MYO10: variants seen among roughly 807,000 people sequenced by gnomAD.
MYO10 encodes the protein myosin X.
MYO10 carries 133 observed loss-of-function variants against 257.3 expected under a neutral mutation model. The ratio of observed to expected loss-of-function variants is 0.52; its 90% confidence interval spans 0.45 to 0.60. MYO10 has a LOEUF of 0.60. Ranked by LOEUF, MYO10 falls within the 20% of genes least tolerant of loss-of-function variation. The pLI, the probability that MYO10 is intolerant of heterozygous loss-of-function variation, is 0.00. For synonymous variants in MYO10, 1,104 were observed against 1,028.6 expected, an observed-to-expected ratio of 1.07 and a Z score of -1.40; for missense variants, 2,399 against 2,635.7, an observed-to-expected ratio of 0.91 and a Z score of 1.97.
intron 1 of MYO10, among the ~76,000 whole-genome samples, chr5:16,905,083 A>G (rs1239040618): frequency 1.3e-5 from 2 of 152,228 alleles, no homozygotes; most frequent in Non-Finnish European, 2.9e-5. Flanking sequence ...CTACTCAGTG[A>G]GTCTTGCATA....
At chr5:16,896,277 T>C (rs1745214949) in intron 1 of MYO10, among the ~76,000 whole-genome samples, 1 of 151,960 alleles carries the variant, frequency 6.6e-6, no homozygotes, top group African/African-American at 2.4e-5. Flanking sequence ...TGGACAATAC[T>C]GTGAGACCTT....
chr5:16,796,498 G>C (rs78833262), intron 3 of MYO10, among the ~76,000 whole-genome samples: 1 of 106,068 alleles, frequency 9.4e-6, no homozygotes, highest in Non-Finnish European at 2.3e-5. Flanking sequence ...AAAGAAAGAA[G>C]GAAAATAAAT....
intron 2 of MYO10, among the ~76,000 whole-genome samples, chr5:16,823,237 G>A (rs1460351091): frequency 2.0e-5 from 3 of 149,890 alleles, no homozygotes; most frequent in Non-Finnish European, 4.4e-5. Flanking sequence ...TTGAGGCCAG[G>A]AGTTCAAGAC....
intron 19 of MYO10, among the ~76,000 whole-genome samples, chr5:16,745,157 T>C (rs1224028967): frequency 1.3e-5 from 2 of 151,092 alleles, no homozygotes; most frequent in East Asian, 2.0e-4. Flanking sequence ...CTGGCCAACA[T>C]GGTGAAACCC....
At chr5:16,710,856 C>A (rs1028194506) in intron 21 of MYO10, 52 bp downstream of exon 21, 5 of 1,488,676 alleles carry the variant, frequency 3.4e-6, no homozygotes. Flanking sequence ...GTGAGCATCA[C>A]CCCGAGATCT....
intron 7 of MYO10, 37 bp downstream of exon 7, chr5:16,780,691 T>C: frequency 6.4e-7 from 1 of 1,553,884 alleles, no homozygotes; most frequent in Non-Finnish European, 8.8e-7. Context: ...AAATTGTTAT[T>C]ATGGAAGAAA....
chr5:16,837,076 C>G lies in MYO10; in HGVS notation c.121-18909G>C, dbSNP rs149422531. Among the ~76,000 whole-genome samples the G allele has an allele frequency of 3.1e-3, 470 of 152,054 alleles. 6 individuals carry two copies. The highest frequency in any genetic ancestry group is 0.01 in the African/African-American group (432 of 41,496). On this transcript the variant is annotated intron_variant, in intron 2 of 40. Transcript: ENST00000513610. The stretch of plus-strand genomic sequence containing the variant: ...CTGTAATCCCAGTACTTTGGGAGGC[C>G]GAGGCGGGCAGATCACCTGAGGTCA...
intron 6 of MYO10, 77 bp from the exon 7 acceptor site, chr5:16,780,818 A>C: frequency 7.2e-7 from 1 of 1,392,520 alleles, no homozygotes; most frequent in Admixed American, 2.2e-5. Context: ...TTCATTTTCT[A>C]TTCTTTGGTG....
intron 1 of MYO10, among the ~76,000 whole-genome samples, chr5:16,906,986 C>T (rs765472113): frequency 4.6e-5 from 7 of 152,058 alleles, no homozygotes; most frequent in Non-Finnish European, 8.8e-5. Context: ...TGATGGCACA[C>T]GCCTATAGTC....
chr5:16,763,615 T>G (rs1332901907), intron 13 of MYO10, 40 bp downstream of exon 13: 1 of 1,584,408 alleles, frequency 6.3e-7, no homozygotes, highest in Admixed American at 1.7e-5. Flanking sequence ...AGTTGCTGCT[T>G]TAAAAAAAAA....
At chr5:16,884,194 C>T (rs1206016924) in intron 1 of MYO10, among the ~76,000 whole-genome samples, 1 of 152,164 alleles carries the variant, frequency 6.6e-6, no homozygotes, top group Non-Finnish European at 1.5e-5. Flanking sequence ...AGTTTGAGAC[C>T]AGCCTGGGCA....
At chr5:16,678,858 G>A (rs192038938) in intron 33 of MYO10, among the ~76,000 whole-genome samples, 76 of 152,274 alleles carry the variant, frequency 5.0e-4, no homozygotes, top group African/African-American at 1.7e-3. Context: ...CTTGCCCTGG[G>A]AATCTGCCTG....
intron 1 of MYO10, among the ~76,000 whole-genome samples, chr5:16,896,864 T>A (rs1182095652): frequency 6.6e-6 from 1 of 152,010 alleles, no homozygotes; most frequent in Non-Finnish European, 1.5e-5. Flanking sequence ...TGTCTGTGGA[T>A]TCATCAATTC....
chr5:16,764,444 G>C, intron 11 of MYO10, 48 bp from the exon 12 acceptor site: 1 of 1,604,958 alleles, frequency 6.2e-7, no homozygotes, highest in Non-Finnish European at 8.5e-7. Flanking sequence ...GGGCACCCCA[G>C]ACAGGCAAGG....
rs557019648 is a variant in MYO10 at position 16,740,158 on chromosome 5, C to T, written c.1929+14670G>A. Among the ~76,000 whole-genome samples the T allele has an allele frequency of 2.6e-5, 4 of 152,210 alleles. No individual in the cohort carries two copies. In the East Asian group the frequency reaches 7.7e-4, roughly 29 times the overall value. On this transcript the variant is annotated intron_variant, in intron 19 of 40. Transcript: ENST00000513610. ...ACCCCTAACCTCTGGTCTCCAGTCT[C>T]AAACCTGGCCCTTTGCTCCAGAGTC...
chr5:16,779,328 T>A (rs771121898), intron 9 of MYO10, among the ~76,000 whole-genome samples: 12 of 152,194 alleles, frequency 7.9e-5, no homozygotes, highest in Non-Finnish European at 1.6e-4. Context: ...TTCGCTCATC[T>A]TCTAAGGAAA....
intron 6 of MYO10, 107 bp downstream of exon 6, chr5:16,781,598 C>T: frequency 8.4e-7 from 1 of 1,191,582 alleles, no homozygotes; most frequent in Non-Finnish European, 1.2e-6. Context: ...CGTTAAAGAA[C>T]CAGAGAAAGA....
intron 1 of MYO10, among the ~76,000 whole-genome samples, chr5:16,928,298 G>A (rs75884000): frequency 7.8e-4 from 118 of 152,132 alleles, no homozygotes; most frequent in East Asian, 2.7e-3. Context: ...GGATTCAACC[G>A]ATTCTCCTGC....
chr5:16,755,190 G>A (rs1022208631), intron 18 of MYO10, among the ~76,000 whole-genome samples: 8 of 152,140 alleles, frequency 5.3e-5, no homozygotes, highest in Admixed American at 5.2e-4. Context: ...ATTTGAGACG[G>A]AGTCTCGCTC....
Sources: allele counts gnomAD v4.1 joint callset (sites outside exome capture counted in the v4.1 genomes callset), GRCh38; gene constraint gnomAD v4.1.1; transcripts MANE v1.5; gene names NCBI Gene and HGNC (gene_info 2026-07-23, HGNC 2026-07-21).